Variants in FAP observed in about 807,000 individuals in gnomAD.
The protein encoded by FAP is fibroblast activation protein alpha.
FAP carries 110 observed loss-of-function variants against 126.5 expected under a neutral mutation model. The ratio of observed to expected loss-of-function variants is 0.87; its 90% CI spans 0.74 to 1.02. FAP has a LOEUF of 1.02. Ranked by LOEUF, FAP falls within the 50% of genes least tolerant of loss-of-function variation. The pLI is 0.00. For missense variants in FAP, 919 were observed against 909.2 expected, an observed-to-expected ratio of 1.01 and a Z score of -0.14; for synonymous variants, 334 against 297.3, an observed-to-expected ratio of 1.12 and a Z score of -1.27.
At chr2:162,227,876 T>C (rs1357704440) in intron 2 of FAP, among the ~76,000 whole-genome samples, 2 of 152,206 alleles carry the variant, frequency 1.3e-5, no homozygotes, top group East Asian at 1.9e-4. Context: ...AAAAGCTATA[T>C]ACTTCCTCTG....
intron 6 of FAP, among the ~76,000 whole-genome samples, chr2:162,221,277 C>G (rs1290952096): frequency 1.3e-5 from 2 of 152,094 alleles, no homozygotes; most frequent in African/African-American, 2.4e-5. Context: ...GGCTCGCTCA[C>G]GCCAGTAATC....
At position 162,188,268 on chromosome 2, in the gene FAP, A is replaced by T; in HGVS notation, c.1715T>A (p.Val572Glu). The T allele has an allele frequency of 6.2e-7, 1 of 1,613,350 alleles. No homozygotes were observed. The highest frequency in any genetic ancestry group is 1.1e-5 in the South Asian group (1 of 91,056). The change falls in exon 20 of 26, where the codon GTG (valine) becomes GAG (glutamate). Residue 572 changes from valine (V) to glutamate (E), a missense_variant. By Grantham distance (121) the Val-to-Glu change is moderately radical. Coordinates refer to ENST00000188790, the MANE Select transcript of FAP (RefSeq NM_004460.5). ...TTGGAAAGCTGTTCCTCGACCATCC[A>T]CCAAGGCAATGACCATCCCTTCCTT... ...ASKEGMVIAL[V>E]DGRGTAFQGD...
chr2:162,216,219 T>TA (rs1389359604), intron 9 of FAP, among the ~76,000 whole-genome samples: 9 of 152,326 alleles, frequency 5.9e-5, no homozygotes, highest in Non-Finnish European at 1.2e-4. Context: ...CTATGTGTTT[T>TA]AACTGCCTAA....
At chr2:162,190,392 G>A (rs1293739951) in intron 17 of FAP, among the ~76,000 whole-genome samples, 1 of 151,480 alleles carries the variant, frequency 6.6e-6, no homozygotes, top group African/African-American at 2.4e-5. Flanking sequence ...TATATATTGT[G>A]TATACACACA....
chr2:162,235,868 G>T (rs980356827), intron 2 of FAP, among the ~76,000 whole-genome samples: 1 of 152,150 alleles, frequency 6.6e-6, no homozygotes, highest in Non-Finnish European at 1.5e-5. Flanking sequence ...CACTCCTGAA[G>T]CCAGCAAGAC....
intron 2 of FAP, among the ~76,000 whole-genome samples, chr2:162,241,779 C>T (rs568583553): frequency 6.6e-6 from 1 of 152,302 alleles, no homozygotes; most frequent in East Asian, 1.9e-4. Context: ...TACCTCTCAA[C>T]AGCCTAAGAA....
intron 6 of FAP, among the ~76,000 whole-genome samples, chr2:162,220,859 C>G (rs1276052792): frequency 6.6e-6 from 1 of 152,178 alleles, no homozygotes; most frequent in Non-Finnish European, 1.5e-5. Flanking sequence ...TTCATCGAGA[C>G]TGCCTTCGTG....
At position 162,243,381 on chromosome 2, in the gene FAP, T is replaced by G; in HGVS notation, c.-54A>C. 1 of 1,595,726 alleles carries G rather than the reference T, an allele frequency of 6.3e-7. No individual in the cohort carries two copies. The highest frequency in any genetic ancestry group is 8.5e-7 in the Non-Finnish European group (1 of 1,173,492). ...ATTCTGTCTTCAGAGCGTGGGTCAC[T>G]GGATCTGTGAAAACCGTTGAAAAGG... On this transcript the variant is annotated 5_prime_UTR_variant, in exon 1 of 26. Transcript: ENST00000188790.
At chr2:162,226,758 C>T (rs1182781248) in intron 2 of FAP, 137 bp from the exon 3 acceptor site, 1 of 538,384 alleles carries the variant, frequency 1.9e-6, no homozygotes, top group East Asian at 3.4e-5. Flanking sequence ...GAACTCCTAT[C>T]ATCATAACTA....
chr2:162,206,880 ACTAACAGAT>A (rs1019733693), intron 12 of FAP, among the ~76,000 whole-genome samples: 1 of 152,220 alleles, frequency 6.6e-6, no homozygotes, highest in Non-Finnish European at 1.5e-5. Flanking sequence ...TGTGCCTGCA[ACTAACAGAT>A]CATTTACTTT....
chr2:162,215,357 T>A (rs1339621054), intron 10 of FAP, among the ~76,000 whole-genome samples: 4 of 152,196 alleles, frequency 2.6e-5, no homozygotes, highest in African/African-American at 7.2e-5. Flanking sequence ...AAGGTCACTG[T>A]ATTCTGGACT....
chr2:162,224,010 T>C (rs1280994789), intron 5 of FAP, among the ~76,000 whole-genome samples: 1 of 152,150 alleles, frequency 6.6e-6, no homozygotes, highest in Non-Finnish European at 1.5e-5. Context: ...AAAACCACAA[T>C]GATTTCCACA....
At chr2:162,188,508 G>A in intron 19 of FAP, 145 bp from the exon 20 acceptor site, 1 of 747,570 alleles carries the variant, frequency 1.3e-6, no homozygotes, top group Non-Finnish European at 2.1e-6. Flanking sequence ...AAATCAAGAG[G>A]AGTCCAGGCT....
intron 20 of FAP, among the ~76,000 whole-genome samples, chr2:162,184,758 G>T (rs1174462996): frequency 1.3e-5 from 2 of 151,390 alleles, no homozygotes; most frequent in East Asian, 2.0e-4. Context: ...AGAAGAGAAG[G>T]TTCACTTTCT....
At chr2:162,209,838 A>G in intron 12 of FAP, 114 bp downstream of exon 12, 1 of 893,710 alleles carries the variant, frequency 1.1e-6, no homozygotes, top group South Asian at 1.4e-5. Flanking sequence ...ATACCTTGCT[A>G]CTTTTTCTAT....
intron 11 of FAP, among the ~76,000 whole-genome samples, chr2:162,211,482 CAGA>C (rs915331848): frequency 2.0e-5 from 3 of 152,022 alleles, no homozygotes; most frequent in Admixed American, 1.3e-4. Flanking sequence ...CTAGAGAAGT[CAGA>C]AGAAGAGCTG....
In FAP at chr2:162,188,280, A is replaced by G. The variant is rs1224108641; in HGVS notation, c.1703T>C (p.Val568Ala). 2.5e-6 allele frequency: 4 copies of G among 1,613,394 alleles called. No individual in the cohort carries two copies. The highest frequency in any genetic ancestry group is 3.4e-6 in the Non-Finnish European group (4 of 1,179,540). Residue 568 changes from valine to alanine, a missense_variant, in exon 20 of 26, where the codon GTC (valine) becomes GCC (alanine). Physicochemically the swap from Val to Ala is moderately conservative, Grantham distance 64. Transcript: ENST00000188790. ...TCCTCGACCATCCACCAAGGCAATG[A>G]CCATCCCTTCCTTACTTGCAAGATA... ...ISYLASKEGM[V>A]IALVDGRGTA... is the part of the protein sequence containing the mutation.
intron 2 of FAP, among the ~76,000 whole-genome samples, chr2:162,235,975 G>A (rs1349803941): frequency 6.6e-6 from 1 of 152,100 alleles, no homozygotes; most frequent in East Asian, 1.9e-4. Flanking sequence ...GATAAGGTTG[G>A]GGAATTCCTT....
intron 2 of FAP, among the ~76,000 whole-genome samples, chr2:162,240,867 A>T (rs773180476): frequency 6.6e-6 from 1 of 152,080 alleles, no homozygotes; most frequent in Non-Finnish European, 1.5e-5. Context: ...CACTGGGCAG[A>T]TGTGAGAGTG....
Sources: allele counts gnomAD v4.1 joint callset (sites outside exome capture counted in the v4.1 genomes callset), GRCh38; gene constraint gnomAD v4.1.1; transcripts MANE v1.5; gene names NCBI Gene and HGNC (gene_info 2026-07-23, HGNC 2026-07-21).